NTM: variants seen among roughly 807,000 people sequenced by gnomAD.
NTM encodes neurotrimin.
Under a neutral mutation model 42.1 loss-of-function variants are expected in NTM, and 13 were observed. That is an observed-to-expected ratio of 0.31 (90% CI 0.20 to 0.49). The LOEUF is 0.49. Among genes scored for constraint, NTM ranks in the 20% least tolerant of loss-of-function variants. NTM has a pLI of 0.99. For missense variants in NTM, 373 were observed against 452.8 expected, an observed-to-expected ratio of 0.82 and a Z score of 1.60; for synonymous variants, 187 against 179.2, an observed-to-expected ratio of 1.04 and a Z score of -0.35.
At chr11:131,456,974 A>G (rs1017752030) in intron 1 of NTM, among the ~76,000 whole-genome samples, 6 of 152,208 alleles carry the variant, frequency 3.9e-5, no homozygotes, top group African/African-American at 9.6e-5. Flanking sequence ...GAGGTCCAGC[A>G]TCATATAAGA....
At chr11:131,646,155 C>T (rs73592224) in intron 1 of NTM, among the ~76,000 whole-genome samples, 10 of 152,124 alleles carry the variant, frequency 6.6e-5, no homozygotes, top group Admixed American at 1.3e-4. Flanking sequence ...CCCATGGGCC[C>T]GATCTAACCC....
rs550520120 is a variant in NTM, at chr11:131,530,694, C to T, written c.82+159806C>T. Among the ~76,000 whole-genome samples, 8 of 152,302 alleles carry T rather than the reference C, an allele frequency of 5.3e-5. No individual in the cohort carries two copies. The South Asian group carries it at 1.7e-3, about 32-fold the overall frequency. On this transcript the variant is annotated intron_variant, in intron 1 of 8. Transcript: ENST00000683400. ...GCAGCCAAGAAAGGGATTTCAGCAG[C>T]AAATGGTGACCTTAGAACAGCTGTG...
At chr11:132,164,323 A>G (rs1307535620) in intron 3 of NTM, among the ~76,000 whole-genome samples, 1 of 152,204 alleles carries the variant, frequency 6.6e-6, no homozygotes, top group Non-Finnish European at 1.5e-5. Context: ...AGATGATACC[A>G]TTAAAAAGTG....
Position 131,649,365 on chromosome 11 carries a change from C to T in NTM, c.83-262199C>T, listed in dbSNP as rs151129781. Among the ~76,000 whole-genome samples the T allele has an allele frequency of 7.9e-5, 12 of 152,216 alleles. No homozygotes were observed. The East Asian group carries it at 9.6e-4, about 12-fold the overall frequency. On this transcript the variant is annotated intron_variant, in intron 1 of 8. Coordinates refer to ENST00000683400, the MANE Select transcript of NTM (RefSeq NM_001352005.2). ...GAATGCAGTGTCTGTTTATGCATAT[C>T]GGGGAGGGAGTATGGGAATAAGTAT...
chr11:132,060,450 A>G (rs774684281), intron 2 of NTM, among the ~76,000 whole-genome samples: 11 of 132,062 alleles, frequency 8.3e-5, no homozygotes, highest in Non-Finnish European at 1.4e-4. Flanking sequence ...TTGTATCCAC[A>G]TTTAATGGAA....
In NTM at chr11:131,648,472, A is replaced by G. The variant is rs942776805; in HGVS notation, c.83-263092A>G. ...TAATTTACACTCCCACCAATAGTGTATAAGTGTTCCATTTTCTCCCCAACC... is the reference window on the plus strand; with the variant it reads ...TAATTTACACTCCCACCAATAGTGTGTAAGTGTTCCATTTTCTCCCCAACC... On this transcript the variant is annotated intron_variant, in intron 1 of 8. Transcript: ENST00000683400. 3.9e-5 allele frequency among the ~76,000 whole-genome samples: 6 copies of G among 152,180 alleles called. No homozygotes were observed. The South Asian group carries it at 1.2e-3, about 32-fold the overall frequency.
intron 1 of NTM, among the ~76,000 whole-genome samples, chr11:131,615,252 CTG>C (rs1377168283): frequency 6.6e-6 from 1 of 152,194 alleles, no homozygotes; most frequent in African/African-American, 2.4e-5. Flanking sequence ...TCAGATTCCT[CTG>C]TGGCAATATA....
At chr11:131,937,166 C>T (rs980507595) in intron 2 of NTM, among the ~76,000 whole-genome samples, 3 of 152,028 alleles carry the variant, frequency 2.0e-5, no homozygotes, top group African/African-American at 4.8e-5. Context: ...AGAAGTTCTG[C>T]GTTTTCACTC....
At chr11:132,192,922 A>G (rs2079546008) in intron 3 of NTM, among the ~76,000 whole-genome samples, 1 of 152,202 alleles carries the variant, frequency 6.6e-6, no homozygotes, top group African/African-American at 2.4e-5. Flanking sequence ...TTGCTTAATT[A>G]TAAAGGGCTC....
In NTM at chr11:131,370,772, GA is replaced by G. The variant is rs1555091366; in HGVS notation, c.-34del. ...AGAAAGAAAGAAAAAAACCGAACCTGACAAAAAAGAAGAAAAAGAAGAAGAA... is the reference window on the plus strand; with the variant it reads ...AGAAAGAAAGAAAAAAACCGAACCTGCAAAAAAGAAGAAAAAGAAGAAGAA... On this transcript the variant is annotated 5_prime_UTR_variant, in exon 1 of 9. Transcript: ENST00000683400. 7.0e-6 allele frequency: 11 copies of G among 1,579,992 alleles called. No homozygotes were observed. Among genetic ancestry groups the G allele is most frequent in the Non-Finnish European group, 9.5e-6 (11 of 1,154,056 alleles).
chr11:132,056,828 C>G (rs1362628104), intron 2 of NTM, among the ~76,000 whole-genome samples: 1 of 152,170 alleles, frequency 6.6e-6, no homozygotes, highest in Non-Finnish European at 1.5e-5. Context: ...CTTGCACAGT[C>G]CACAAATCCC....
At chr11:131,394,680 A>G (rs1944361857) in intron 1 of NTM, among the ~76,000 whole-genome samples, 1 of 152,190 alleles carries the variant, frequency 6.6e-6, no homozygotes, top group Non-Finnish European at 1.5e-5. Context: ...TAAGAAGAAG[A>G]GCCCTTTTCT....
At chr11:132,117,251 C>T (rs2064036834) in intron 2 of NTM, among the ~76,000 whole-genome samples, 1 of 152,176 alleles carries the variant, frequency 6.6e-6, no homozygotes, top group African/African-American at 2.4e-5. Context: ...GAGTGTTTGC[C>T]AATGTCTCCA....
At chr11:131,856,148 C>T (rs2046073893) in intron 1 of NTM, among the ~76,000 whole-genome samples, 2 of 129,044 alleles carry the variant, frequency 1.5e-5, no homozygotes, top group Admixed American at 8.5e-5. Flanking sequence ...CTTACAGCCA[C>T]GGTCTTAGTT....
At chr11:132,041,146 G>A (rs907775595) in intron 2 of NTM, among the ~76,000 whole-genome samples, 3 of 151,826 alleles carry the variant, frequency 2.0e-5, no homozygotes, top group Admixed American at 6.6e-5. Context: ...TGAAATACAC[G>A]TATCACCTGT....
At position 132,122,707 on chromosome 11, in the gene NTM, C is replaced by T. The variant is rs143458918; in HGVS notation, c.168-23575C>T. Reference sequence around the variant, plus strand: ...TGAGCAAAGGGAGCACTTTCCACACCAGCTGTATTTGGGAAATCTCTCAGC... The same window carrying T: ...TGAGCAAAGGGAGCACTTTCCACACTAGCTGTATTTGGGAAATCTCTCAGC... On this transcript the variant is annotated intron_variant, in intron 2 of 8. Transcript: ENST00000683400. 4.5e-4 allele frequency among the ~76,000 whole-genome samples: 68 copies of T among 152,292 alleles called. No individual in the cohort carries two copies. The East Asian group carries it at 0.012, about 27-fold the overall frequency.
intron 1 of NTM, among the ~76,000 whole-genome samples, chr11:131,569,870 C>G (rs932044699): frequency 2.0e-5 from 3 of 152,194 alleles, no homozygotes; most frequent in Non-Finnish European, 4.4e-5. Flanking sequence ...CATAGGCCAC[C>G]ACGTCCGGCC....
At chr11:131,955,807 T>A (rs548559) in intron 2 of NTM, among the ~76,000 whole-genome samples, 108,673 of 151,860 alleles carry the variant, frequency 0.72, 39,172 homozygotes, top group East Asian at 0.95. Context: ...ACTCCAAAAT[T>A]GCCTTCTCCT....
chr11:132,162,545 C>A (rs1272370695), intron 3 of NTM, among the ~76,000 whole-genome samples: 1 of 121,372 alleles, frequency 8.2e-6, no homozygotes, highest in Non-Finnish European at 1.7e-5. Context: ...GATGTGAGTG[C>A]TTCTGTGCGT....
Sources: allele counts gnomAD v4.1 joint callset (sites outside exome capture counted in the v4.1 genomes callset), GRCh38; gene constraint gnomAD v4.1.1; transcripts MANE v1.5; gene names NCBI Gene and HGNC (gene_info 2026-07-23, HGNC 2026-07-21).